Variants in CACNB3 observed in about 807,000 individuals in gnomAD.
The protein encoded by CACNB3 is calcium voltage-gated channel auxiliary subunit beta 3, also known as voltage-dependent L-type calcium channel subunit beta-3.
CACNB3 carries 36 observed loss-of-function variants against 63.7 expected under a neutral mutation model. The ratio of observed to expected loss-of-function variants is 0.57; its 90% CI spans 0.43 to 0.75. CACNB3 has a LOEUF of 0.75. Among genes scored for constraint, CACNB3 ranks in the 30% least tolerant of loss-of-function variants. The pLI, the probability that CACNB3 is intolerant of heterozygous loss-of-function variation, is 0.00. For synonymous variants in CACNB3, 241 were observed against 250.6 expected, an observed-to-expected ratio of 0.96 and a Z score of 0.36; for missense variants, 493 against 648.6, an observed-to-expected ratio of 0.76 and a Z score of 2.61.
At chr12:48,815,741 G>A (rs574960797), upstream of CACNB3, 75 of 1,402,626 alleles carry the variant, frequency 5.3e-5, no homozygotes, top group Admixed American at 4.0e-4. Flanking sequence ...AACCGTGGGG[G>A]GGGTGTGGGG....
upstream of CACNB3, chr12:48,815,756 G>A (rs1373537987): frequency 8.7e-6 from 11 of 1,265,774 alleles, no homozygotes; most frequent in Non-Finnish European, 1.2e-5. Context: ...GTGGGGTCGT[G>A]GGAAGGGGGT....
rs773918902 is a variant in CACNB3, at chr12:48,824,282, G to C, written c.316G>C (p.Gly106Arg). The C allele has an allele frequency of 2.5e-6, 4 of 1,612,932 alleles. No individual in the cohort carries two copies. Among genetic ancestry groups the C allele is most frequent in the African/African-American group, 2.7e-5 (2 of 74,840 alleles). Residue 106 changes from glycine (G) to arginine (R), a missense_variant, in exon 4 of 13, where the codon GGG becomes CGG. Coordinates refer to ENST00000301050, the MANE Select transcript of CACNB3 (RefSeq NM_000725.4). ...KEKYSNDWWI[G>R]RLVKEGGDIA... ...GAAGTACAGCAATGACTGGTGGATC[G>C]GGCGGCTAGTGAAAGAGGGCGGGGA...
chr12:48,815,465 C>A, upstream of CACNB3: 1 of 1,109,168 alleles, frequency 9.0e-7, no homozygotes, highest in Non-Finnish European at 1.2e-6. Context: ...GAGCCAGAGA[C>A]TGACAGAGGC....
At position 48,828,004 on chromosome 12, in the gene CACNB3, C is replaced by A; in HGVS notation, c.*105C>A. 1.1e-6 allele frequency: 1 copy of A among 929,004 alleles called. No homozygotes were observed. Among genetic ancestry groups the A allele is most frequent in the Non-Finnish European group, 1.6e-6 (1 of 607,890 alleles). The allele number at this position is 929,004 out of a possible 1,614,324, so 57.5% of individuals were successfully genotyped here. ...GGCATCAGGCTGGCACTAGGCTCAG[C>A]CCCCAAAACCCCCTGCCCAGCCCCA... is the stretch of plus-strand genomic sequence containing the variant. On this transcript the variant is annotated 3_prime_UTR_variant, in exon 13 of 13. Coordinates refer to ENST00000301050, the MANE Select transcript of CACNB3 (RefSeq NM_000725.4).
At position 48,825,128 on chromosome 12, in the gene CACNB3, C is replaced by T. The variant is rs1938059731; in HGVS notation, c.493-35C>T. 4 of 1,606,494 alleles carry T rather than the reference C, an allele frequency of 2.5e-6. No individual in the cohort carries two copies. Among genetic ancestry groups the T allele is most frequent in the Non-Finnish European group, 2.6e-6 (3 of 1,173,140 alleles). ...ACCAGGCATGAGACAGGCACCAGGG[C>T]CATGGTTTCTACTGACCTCATGTCC... On this transcript the variant is annotated intron_variant, in intron 6 of 12. Coordinates refer to ENST00000301050, the MANE Select transcript of CACNB3 (RefSeq NM_000725.4). This position sits in a 1 kb window ranked among gnomAD's most constrained non-coding sequence, Gnocchi z 4.5.
intron 1 of CACNB3, among the ~76,000 whole-genome samples, chr12:48,819,461 T>C (rs1937727638): frequency 6.6e-6 from 1 of 152,148 alleles, no homozygotes; most frequent in Non-Finnish European, 1.5e-5. Flanking sequence ...GGCCAACCTC[T>C]TCAGACAGAC....
In CACNB3 at chr12:48,824,655, C is replaced by A; in HGVS notation, c.408-14C>A. 1 of 1,611,668 alleles carries A rather than the reference C, an allele frequency of 6.2e-7. No individual in the cohort carries two copies. Among genetic ancestry groups the A allele is most frequent in the Non-Finnish European group, 8.5e-7 (1 of 1,177,974 alleles). On this transcript the variant is annotated splice_polypyrimidine_tract_variant and intron_variant, in intron 4 of 12. Coordinates refer to ENST00000301050, the MANE Select transcript of CACNB3 (RefSeq NM_000725.4). ...ATTCTTCTCTCTCTCTCTTTCACCT[C>A]CCTTTCTTCTCAGGAGATCTGGGAA...
rs970832487 is a variant in CACNB3, at chr12:48,823,994, TG to T, written c.291+194del. On this transcript the variant is annotated intron_variant, in intron 3 of 12. Coordinates refer to ENST00000301050, the MANE Select transcript of CACNB3 (RefSeq NM_000725.4). This position sits in a 1 kb window ranked among gnomAD's most constrained non-coding sequence, Gnocchi z 4.2. Reference sequence around the variant, plus strand: ...GTCTCCATCCTTCTGAGACCTGGCTTGGGCATCAGTCTCCATGTCTGTCAAG... The same window carrying T: ...GTCTCCATCCTTCTGAGACCTGGCTTGGCATCAGTCTCCATGTCTGTCAAG... 3 of 750,836 alleles carry T rather than the reference TG, an allele frequency of 4.0e-6. No homozygotes were observed. In the African/African-American group the frequency reaches 5.3e-5, roughly 13 times the overall value. The allele number at this position is 750,836 out of a possible 1,614,324, so 46.5% of individuals were successfully genotyped here.
rs912113568 is a variant in CACNB3 at position 48,828,861 on chromosome 12, T to G, written c.*962T>G. 1.7e-4 allele frequency: 75 copies of G among 434,178 alleles called. No homozygotes were observed. The highest frequency in any genetic ancestry group is 9.9e-4 in the South Asian group (60 of 60,512). 26.9% of individuals were successfully genotyped at this position (434,178 alleles called of 1,614,324 possible). A position where few individuals can be genotyped will look rare whatever the true frequency, so the allele number is the denominator to read the frequency against. On this transcript the variant is annotated 3_prime_UTR_variant, in exon 13 of 13. Transcript: ENST00000301050. ...TCCCCGGCTACTCTTGCCTTATGGC[T>G]CTAGTGTGTGACCTACAGAGCATGC...
chr12:48,818,428 T>C (rs866527278), upstream of CACNB3: 3 of 986,366 alleles, frequency 3.0e-6, no homozygotes, highest in South Asian at 4.7e-5. This position sits in a 1 kb window ranked among gnomAD's most constrained non-coding sequence, Gnocchi z 4.3. Flanking sequence ...GCCGAGCGTC[T>C]CTGTCTCCGC....
In CACNB3 at chr12:48,818,897, G is replaced by T. The variant is rs745386717; in HGVS notation, c.-33G>T. The T allele has an allele frequency of 2.6e-6, 4 of 1,548,594 alleles. No homozygotes were observed. The highest frequency in any genetic ancestry group is 1.7e-6 in the Non-Finnish European group (2 of 1,146,982). ...CTGCCTCCGGGCCGCTCCCGCCCCC[G>T]GCGCCGCTCGCTCCCCCGACCCGGA... On this transcript the variant is annotated 5_prime_UTR_variant, in exon 1 of 13. Transcript: ENST00000301050. This position sits in a 1 kb window ranked among gnomAD's most constrained non-coding sequence, Gnocchi z 4.3.
Position 48,826,347 on chromosome 12 carries a change from GCTGCTGCCTCCCTCCATA to G in CACNB3, c.743-19_743-2del. The G allele has an allele frequency of 6.2e-7, 1 of 1,613,834 alleles. No homozygotes were observed. The highest frequency in any genetic ancestry group is 8.5e-7 in the Non-Finnish European group (1 of 1,179,832). ...GTGGGCAGAGCTCCTGGTGAGCACT[GCTGCTGCCTCCCTCCATA>G]GCGGAAGTGCAGAGTGAGATCGAGC... On this transcript the variant is annotated splice_acceptor_variant and splice_polypyrimidine_tract_variant and intron_variant, in intron 9 of 12. Transcript: ENST00000301050. LOFTEE classifies it high-confidence loss of function. The surrounding 1 kb of genome is among the most constrained non-coding windows in gnomAD (Gnocchi z 4.8).
chr12:48,819,724 C>G (rs1240999077), intron 1 of CACNB3: 2 of 450,278 alleles, frequency 4.4e-6, no homozygotes, highest in African/African-American at 4.0e-5. Context: ...AGCTGAGGGC[C>G]TGGGGATGGA....
At chr12:48,815,835 C>G (rs1398007692), upstream of CACNB3, 2 of 791,008 alleles carry the variant, frequency 2.5e-6, no homozygotes, top group Non-Finnish European at 4.3e-6. Context: ...GGAGACTGCA[C>G]CGATGGGGAG....
chr12:48,815,676 T>C, upstream of CACNB3: 2 of 1,526,134 alleles, frequency 1.3e-6, no homozygotes, highest in Non-Finnish European at 8.8e-7. Flanking sequence ...GAGAGGCCGC[T>C]AGCCTGGTCT....
At position 48,825,723 on chromosome 12, in the gene CACNB3, G is replaced by C. The variant is rs200135807; in HGVS notation, c.696G>C (p.Pro232=). ...CAAAGCGATCTGTGCTCAACAATCC[G>C]GGCAAGAGGACCATCATTGAGCGCT... ...SLAKRSVLNN[P]GKRTIIERSS... Residue 232 remains proline (P), a synonymous_variant, in exon 9 of 13, where the codon CCG becomes CCC. Coordinates refer to ENST00000301050, the MANE Select transcript of CACNB3 (RefSeq NM_000725.4). The surrounding 1 kb of genome is among the most constrained non-coding windows in gnomAD (Gnocchi z 4.5). The C allele has an allele frequency of 6.2e-7, 1 of 1,614,168 alleles. No homozygotes were observed. Among genetic ancestry groups the C allele is most frequent in the South Asian group, 1.1e-5 (1 of 91,076 alleles).
At chr12:48,820,218 T>C (rs1353305342) in intron 1 of CACNB3, 1 of 153,450 alleles carries the variant, frequency 6.5e-6, no homozygotes, top group Non-Finnish European at 1.5e-5. Context: ...CACCTCTTTC[T>C]GACAGTTGAA....
In CACNB3 at chr12:48,826,921, G is replaced by A. The variant is rs928399514; in HGVS notation, c.991-53G>A. ...GGCTGCGGCAGTGATAGAGATGGGT[G>A]GGGGGCTGCTACTGAGGGGAAACCA... On this transcript the variant is annotated intron_variant, in intron 11 of 12. Transcript: ENST00000301050. This position sits in a 1 kb window ranked among gnomAD's most constrained non-coding sequence, Gnocchi z 4.8. 3.7e-6 allele frequency: 6 copies of A among 1,612,672 alleles called. No individual in the cohort carries two copies. Among genetic ancestry groups the A allele is most frequent in the Non-Finnish European group, 5.1e-6 (6 of 1,179,016 alleles).
At chr12:48,819,162 C>G (rs941616684) in intron 1 of CACNB3, among the ~76,000 whole-genome samples, 188 bp downstream of exon 1, 6 of 151,994 alleles carry the variant, frequency 3.9e-5, no homozygotes, top group African/African-American at 2.4e-5. Flanking sequence ...AGACTCAGAC[C>G]CTGGGGCATC....
Sources: allele counts gnomAD v4.1 joint callset (sites outside exome capture counted in the v4.1 genomes callset), GRCh38; gene constraint gnomAD v4.1.1; non-coding constraint Gnocchi (gnomAD v3.1); transcripts MANE v1.5; gene names NCBI Gene and HGNC (gene_info 2026-07-23, HGNC 2026-07-21).